Variants in GRM7 observed in about 807,000 individuals in gnomAD.
GRM7 encodes glutamate metabotropic receptor 7.
GRM7 carries 35 observed loss-of-function variants against 84.5 expected under a neutral mutation model. That is an observed-to-expected ratio of 0.41 (90% CI 0.32 to 0.55). GRM7 has a LOEUF of 0.55. Among genes scored for constraint, GRM7 ranks in the 20% least tolerant of loss-of-function variants. The probability of loss-of-function intolerance (pLI) is 0.19; values close to 1 mark genes in which losing one functional copy is unlikely to be tolerated. For synonymous variants in GRM7, 487 were observed against 455.1 expected (o/e 1.07, Z -0.89); for missense variants, 1,003 against 1,194.6 (o/e 0.84, Z 2.36).
intron 4 of GRM7, among the ~76,000 whole-genome samples, chr3:7,362,990 T>C (rs1232436772): frequency 6.6e-6 from 1 of 151,958 alleles, no homozygotes; most frequent in African/African-American, 2.4e-5. Flanking sequence ...GGCATGGTGG[T>C]ACATGCCTGT....
intron 1 of GRM7, among the ~76,000 whole-genome samples, chr3:6,941,495 G>T (rs1452697506): frequency 6.6e-6 from 1 of 152,182 alleles, no homozygotes; most frequent in Admixed American, 6.5e-5. Context: ...TTTATGAAGA[G>T]AAATTGAGGA....
chr3:7,246,849 C>T (rs1697779978), intron 2 of GRM7, among the ~76,000 whole-genome samples: 1 of 152,110 alleles, frequency 6.6e-6, no homozygotes, highest in Non-Finnish European at 1.5e-5. Flanking sequence ...AGAACAGTCA[C>T]TAGCCAAAAC....
intron 1 of GRM7, among the ~76,000 whole-genome samples, chr3:6,926,975 T>C (rs577950531): frequency 2.6e-5 from 4 of 152,208 alleles, no homozygotes; most frequent in Non-Finnish European, 5.9e-5. Flanking sequence ...TTCTTCTTTT[T>C]ATCATAGTCA....
rs1697391704 is a variant in GRM7, at chr3:6,928,587, TA to T, written c.519+66681del. Among the ~76,000 whole-genome samples, 1 of 152,188 alleles carries T rather than the reference TA, an allele frequency of 6.6e-6. No individual in the cohort carries two copies. Among genetic ancestry groups the T allele is most frequent in the Non-Finnish European group, 1.5e-5 (1 of 68,034 alleles). ...ATGTTTGTAATTAATAACATTTAGA[TA>T]GGGGGAAAATAAGTTTTTCTCAACT... On this transcript the variant is annotated intron_variant, in intron 1 of 9. Coordinates refer to ENST00000357716, the MANE Select transcript of GRM7 (RefSeq NM_000844.4). This position sits in a 1 kb window ranked among gnomAD's most constrained non-coding sequence, Gnocchi z 4.5.
intron 1 of GRM7, among the ~76,000 whole-genome samples, chr3:7,046,103 C>G (rs1395014502): frequency 6.6e-6 from 1 of 152,106 alleles, no homozygotes; most frequent in Non-Finnish European, 1.5e-5. Flanking sequence ...CTTGGGTTGA[C>G]TTTCCCTGAT....
rs950545762 is a variant in GRM7 at position 7,638,056 on chromosome 3, A to C, written c.2452-41993A>C. On this transcript the variant is annotated intron_variant, in intron 8 of 9. Transcript: ENST00000357716. ...TCCAAGAGAATTGAGACACCAGATA[A>C]GAATCCAGGAGAAAGAAAATCTTCC... is the stretch of plus-strand genomic sequence containing the variant. Among the ~76,000 whole-genome samples, 74 of 152,216 alleles carry C rather than the reference A, an allele frequency of 4.9e-4. 2 individuals are homozygous for C. Among genetic ancestry groups the C allele is most frequent in the Non-Finnish European group, 7.3e-5 (5 of 68,038 alleles).
intron 2 of GRM7, among the ~76,000 whole-genome samples, chr3:7,215,481 A>G (rs181492679): frequency 0.027 from 4,086 of 151,994 alleles, 80 homozygotes; most frequent in Middle Eastern, 0.065. Flanking sequence ...TGGCTAACAC[A>G]GTGAAACCCC....
intron 1 of GRM7, among the ~76,000 whole-genome samples, chr3:6,886,719 G>C (rs1170977970): frequency 1.3e-5 from 2 of 151,752 alleles, no homozygotes; most frequent in East Asian, 3.9e-4. Context: ...GTTTAGCACT[G>C]TGTTACATAT....
intron 2 of GRM7, among the ~76,000 whole-genome samples, chr3:7,271,873 G>T (rs1011624464): frequency 6.6e-6 from 1 of 152,118 alleles, no homozygotes; most frequent in Non-Finnish European, 1.5e-5. Context: ...ACTCTTGACA[G>T]CTGATAACTG....
At chr3:7,301,591 G>A (rs1291562379) in intron 3 of GRM7, among the ~76,000 whole-genome samples, 1 of 152,126 alleles carries the variant, frequency 6.6e-6, no homozygotes, top group African/African-American at 2.4e-5. Flanking sequence ...TGCAAGTAAT[G>A]TGAGTTTTTC....
intron 8 of GRM7, among the ~76,000 whole-genome samples, chr3:7,667,266 T>C (rs1699738698): frequency 2.0e-5 from 2 of 99,126 alleles, no homozygotes; most frequent in South Asian, 6.3e-4. Flanking sequence ...AGACCCTGTC[T>C]GTTAAAAAAA....
At chr3:6,942,780 A>C in intron 1 of GRM7, among the ~76,000 whole-genome samples, 1 of 152,058 alleles carries the variant, frequency 6.6e-6, no homozygotes, top group East Asian at 1.9e-4. Context: ...AATATGCTTA[A>C]CTTTTTAAGA....
At chr3:7,708,723 C>T (rs1329686011) in intron 9 of GRM7, among the ~76,000 whole-genome samples, 5 of 152,060 alleles carry the variant, frequency 3.3e-5, no homozygotes, top group Non-Finnish European at 7.4e-5. Flanking sequence ...CATGACATCC[C>T]AACATCCTAC....
rs750474710 is a variant in GRM7 at position 7,740,388 on chromosome 3, T to A, written c.2730T>A (p.Tyr910Ter). 1 of 1,585,926 alleles carries A rather than the reference T, an allele frequency of 6.3e-7. No homozygotes were observed. Among genetic ancestry groups the A allele is most frequent in the African/African-American group, 1.4e-5 (1 of 73,740 alleles). ...CTGCAAAAAAGAAGTATGTCAGTTA[T>A]AATAACCTGGTTATCTAACCTGTTC... ...SPAAKKKYVSYNNLVI is the reference protein window; with the variant it reads ...SPAAKKKYVS The change falls in exon 10 of 10, where the codon TAT becomes TAA. Residue 910 changes from tyrosine (Y) to a stop codon, truncating the protein, a stop_gained. Transcript: ENST00000357716. LOFTEE classifies it high-confidence loss of function.
At chr3:7,405,623 G>T (rs1695641915) in intron 4 of GRM7, among the ~76,000 whole-genome samples, 1 of 152,062 alleles carries the variant, frequency 6.6e-6, no homozygotes, top group Admixed American at 6.6e-5. Flanking sequence ...TTAGAAATAG[G>T]AATTAACTTA....
At chr3:7,685,468 A>G (rs1217324243) in intron 9 of GRM7, among the ~76,000 whole-genome samples, 1 of 152,158 alleles carries the variant, frequency 6.6e-6, no homozygotes, top group Admixed American at 6.6e-5. Context: ...GCGGGTGGAC[A>G]GCGAGGGACA....
chr3:7,403,159 T>A (rs1354838885), intron 4 of GRM7: 1 of 447,302 alleles, frequency 2.2e-6, no homozygotes. Flanking sequence ...TGGCTTTCTT[T>A]CTGTCATTGC....
chr3:6,912,213 G>A (rs1490116872), intron 1 of GRM7, among the ~76,000 whole-genome samples: 4 of 152,126 alleles, frequency 2.6e-5, no homozygotes, highest in African/African-American at 9.7e-5. Context: ...AAATATGTTT[G>A]GGAAATGCTG....
At chr3:7,102,565 G>T (rs1334889773) in intron 1 of GRM7, among the ~76,000 whole-genome samples, 1 of 151,686 alleles carries the variant, frequency 6.6e-6, no homozygotes, top group African/African-American at 2.4e-5. Context: ...AGTTTGTTGA[G>T]CTCCCTGGAT....
Sources: allele counts gnomAD v4.1 joint callset (sites outside exome capture counted in the v4.1 genomes callset), GRCh38; gene constraint gnomAD v4.1.1; non-coding constraint Gnocchi (gnomAD v3.1); transcripts MANE v1.5; gene names NCBI Gene and HGNC (gene_info 2026-07-23, HGNC 2026-07-21).